Variants in DOCK2 observed in about 807,000 individuals in gnomAD.
DOCK2 encodes dedicator of cytokinesis protein 2.
In DOCK2, 87 loss-of-function variants were observed where a neutral mutation model predicts 248.9. The ratio of observed to expected loss-of-function variants is 0.35; its 90% CI spans 0.29 to 0.42. DOCK2 has a LOEUF of 0.42. Among genes scored for constraint, DOCK2 ranks in the 10% least tolerant of loss-of-function variants. DOCK2 has a pLI of 1.00. For synonymous variants in DOCK2, 805 were observed against 821.6 expected, an observed-to-expected ratio of 0.98 and a Z score of 0.35; for missense variants, 1,747 against 2,300.2, an observed-to-expected ratio of 0.76 and a Z score of 4.92.
At chr5:170,052,695 A>G (rs561902765) in intron 41 of DOCK2, among the ~76,000 whole-genome samples, 1 of 152,334 alleles carries the variant, frequency 6.6e-6, no homozygotes, top group African/African-American at 2.4e-5. Context: ...CTAGTACATC[A>G]TCCTTTTTAA....
At chr5:169,681,628 C>CGGTGGTCGCCGTATCA in intron 6 of DOCK2, 116 bp from the exon 7 acceptor site, 1 of 1,328,684 alleles carries the variant, frequency 7.5e-7, no homozygotes, top group Admixed American at 2.0e-5. Flanking sequence ...GTGTAGAGCT[C>CGGTGGTCGCCGTATCA]TTCTATGTGA....
chr5:169,894,297 T>G (rs546319190), intron 27 of DOCK2, among the ~76,000 whole-genome samples: 2 of 152,288 alleles, frequency 1.3e-5, no homozygotes, highest in Admixed American at 6.5e-5. Flanking sequence ...TCAGAGAGCT[T>G]CTAATGGAGG....
intron 25 of DOCK2, among the ~76,000 whole-genome samples, chr5:169,792,395 A>G (rs144454158): frequency 6.1e-5 from 9 of 147,968 alleles, no homozygotes; most frequent in South Asian, 2.1e-4. Flanking sequence ...ATACATGTAT[A>G]TGTGTATATA....
intron 26 of DOCK2, among the ~76,000 whole-genome samples, chr5:169,808,610 T>C (rs1430862960): frequency 4.6e-5 from 7 of 152,174 alleles, no homozygotes; most frequent in African/African-American, 1.4e-4. Flanking sequence ...TGAGCAAGTT[T>C]AGTTGTCAAC....
At chr5:169,639,258 T>A (rs1757017248) in intron 1 of DOCK2, among the ~76,000 whole-genome samples, 1 of 152,204 alleles carries the variant, frequency 6.6e-6, no homozygotes, top group South Asian at 2.1e-4. Flanking sequence ...TAATCAACAT[T>A]GCCTGTTAAC....
intron 27 of DOCK2, among the ~76,000 whole-genome samples, chr5:169,873,011 G>A (rs1383855758): frequency 6.6e-6 from 1 of 152,126 alleles, no homozygotes; most frequent in Non-Finnish European, 1.5e-5. Context: ...AATAAAGATC[G>A]GATCACTCTG....
In DOCK2 at chr5:169,938,354, G is replaced by A. The variant is rs114985219; in HGVS notation, c.2800-44714G>A. Among the ~76,000 whole-genome samples the A allele has an allele frequency of 6.0e-3, 916 of 151,972 alleles. 10 individuals are homozygous for A. Among genetic ancestry groups the A allele is most frequent in the African/African-American group, 0.02 (839 of 41,442 alleles). On this transcript the variant is annotated intron_variant, in intron 27 of 51. Coordinates refer to ENST00000520908, the MANE Select transcript of DOCK2 (RefSeq NM_004946.3). ...CATCATTAGGCAATTTTCTCATTGT[G>A]TGAACATCAGAGTGTACTCACACGA... is the stretch of plus-strand genomic sequence containing the variant.
In DOCK2 at chr5:169,714,165, G is replaced by A; in HGVS notation, c.1797G>A (p.Val599=). The change falls in exon 18 of 52, where the codon GTG becomes GTA. Residue 599 remains valine (V), a synonymous_variant. Coordinates refer to ENST00000520908, the MANE Select transcript of DOCK2 (RefSeq NM_004946.3). ...VGGLSVSSRD[V]FSISTLVCST... ...GGCTTTCTGTCAGCTCCCGGGATGT[G>A]TTCTCCATTTCCACCCTGGTGTGCT... The A allele has an allele frequency of 6.2e-7, 1 of 1,613,448 alleles. No individual in the cohort carries two copies. The highest frequency in any genetic ancestry group is 1.1e-5 in the South Asian group (1 of 90,972).
At chr5:170,044,730 TG>T (rs1459956949) in intron 38 of DOCK2, among the ~76,000 whole-genome samples, 2 of 152,168 alleles carry the variant, frequency 1.3e-5, no homozygotes, top group Non-Finnish European at 2.9e-5. Flanking sequence ...ACTCGGCACT[TG>T]GTTTTATTTA....
rs151079927 is a variant in DOCK2 at position 169,887,029 on chromosome 5, T to G, written c.2799+46177T>G. On this transcript the variant is annotated intron_variant, in intron 27 of 51. Coordinates refer to ENST00000520908, the MANE Select transcript of DOCK2 (RefSeq NM_004946.3). ...AACTGAGGCACAGAAGATGAATATA[T>G]TTATACCAAGTTATTCACACTGATA... 2.0e-4 allele frequency among the ~76,000 whole-genome samples: 31 copies of G among 152,352 alleles called. No individual in the cohort carries two copies. In the East Asian group the frequency reaches 6.0e-3, roughly 29 times the overall value.
intron 40 of DOCK2, among the ~76,000 whole-genome samples, chr5:170,049,747 G>A (rs2113851984): frequency 1.3e-5 from 2 of 152,266 alleles, no homozygotes; most frequent in Non-Finnish European, 2.9e-5. Flanking sequence ...ATGTCCCTTG[G>A]GGGACAACAT....
chr5:169,799,421 T>G (rs1419823000), intron 25 of DOCK2, among the ~76,000 whole-genome samples: 1 of 152,212 alleles, frequency 6.6e-6, no homozygotes, highest in Non-Finnish European at 1.5e-5. Context: ...ACAAAGCATT[T>G]ACCACTTCAG....
At chr5:169,681,113 C>CTTTT (rs764614478) in intron 6 of DOCK2, among the ~76,000 whole-genome samples, 7 of 94,198 alleles carry the variant, frequency 7.4e-5, no homozygotes, top group Admixed American at 2.2e-4. Context: ...TTTAGTAGAC[C>CTTTT]TTTTTTTTTT....
chr5:169,678,581 T>C (rs1246701788), intron 6 of DOCK2, among the ~76,000 whole-genome samples: 1 of 152,144 alleles, frequency 6.6e-6, no homozygotes, highest in Non-Finnish European at 1.5e-5. Flanking sequence ...AGTTTTAAAA[T>C]GCATTTTGAA....
intron 28 of DOCK2, among the ~76,000 whole-genome samples, chr5:169,985,122 C>T (rs1778033155): frequency 6.6e-6 from 1 of 152,116 alleles, no homozygotes; most frequent in Non-Finnish European, 1.5e-5. Flanking sequence ...CCAGGATGGT[C>T]TCAATCTCTT....
At chr5:169,857,841 A>G (rs1401578523) in intron 27 of DOCK2, among the ~76,000 whole-genome samples, 1 of 152,220 alleles carries the variant, frequency 6.6e-6, no homozygotes, top group African/African-American at 2.4e-5. Context: ...GGAATATACT[A>G]TGAAATAACT....
chr5:169,716,189 T>C (rs758437697), intron 19 of DOCK2, 24 bp from the exon 20 acceptor site: 2 of 1,609,764 alleles, frequency 1.2e-6, no homozygotes, highest in African/African-American at 1.3e-5. Context: ...TCTGAAGTAG[T>C]GCAACCTTTG....
intron 30 of DOCK2, among the ~76,000 whole-genome samples, chr5:170,005,140 A>T (rs560591612): frequency 1.3e-5 from 2 of 152,322 alleles, no homozygotes; most frequent in East Asian, 3.9e-4. Flanking sequence ...CACTAAGTAT[A>T]AGAAATCATA....
At chr5:169,939,230 C>CTCT (rs1190923713) in intron 27 of DOCK2, among the ~76,000 whole-genome samples, 1 of 148,918 alleles carries the variant, frequency 6.7e-6, no homozygotes, top group East Asian at 2.1e-4. Flanking sequence ...ACTTTTTAAG[C>CTCT]TCTTTTGTTA....
Sources: gnomAD v4.1 joint callset for allele counts (sites outside exome capture counted in the v4.1 genomes callset) on GRCh38, gnomAD v4.1.1 for gene constraint, MANE v1.5 for transcripts, NCBI Gene and HGNC (gene_info 2026-07-23, HGNC 2026-07-21) for gene names.